STXBP4: variants seen among roughly 807,000 people sequenced by gnomAD.
STXBP4 encodes the protein syntaxin binding protein 4, also known as syntaxin-binding protein 4.
STXBP4 carries 55 observed loss-of-function variants against 76.1 expected under a neutral mutation model. That is an observed-to-expected ratio of 0.72 (90% CI 0.58 to 0.91). The LOEUF (loss-of-function observed/expected upper bound fraction) is 0.91, where lower values mean the gene tolerates loss of function less well. Among genes scored for constraint, STXBP4 ranks in the 40% least tolerant of loss-of-function variants. The pLI is 0.00. For missense variants in STXBP4, 618 were observed against 636.9 expected (o/e 0.97, Z 0.32); for synonymous variants, 201 against 220.2 (o/e 0.91, Z 0.77).
intron 16 of STXBP4, among the ~76,000 whole-genome samples, chr17:55,086,882 G>A (rs2628297): frequency 0.51 from 78,051 of 151,900 alleles, 20,228 homozygotes; most frequent in South Asian, 0.64. Context: ...ATTCCCACCA[G>A]TGGTGTACAA....
At chr17:55,188,002 C>T in the STXBP4 span, among the ~76,000 whole-genome samples, 4 of 152,166 alleles carry the variant, frequency 2.6e-5, no homozygotes, top group Admixed American at 6.5e-5. Context: ...GTGATTGGCA[C>T]TGTTATCATA....
intron 17 of STXBP4, among the ~76,000 whole-genome samples, chr17:55,149,220 G>A (rs2080188836): frequency 6.6e-6 from 1 of 152,200 alleles, no homozygotes; most frequent in Non-Finnish European, 1.5e-5. Context: ...CCATCCATGT[G>A]ACAACTGGTT....
At chr17:55,011,597 G>A (rs570025441) in intron 8 of STXBP4, among the ~76,000 whole-genome samples, 59 of 143,426 alleles carry the variant, frequency 4.1e-4, no homozygotes, top group Admixed American at 3.5e-3. Context: ...TTGGTGGCTC[G>A]AATGCATGAG....
At chr17:55,041,111 C>T (rs553175914) in intron 10 of STXBP4, among the ~76,000 whole-genome samples, 3 of 152,014 alleles carry the variant, frequency 2.0e-5, no homozygotes, top group Admixed American at 6.6e-5. Flanking sequence ...GATTCTTTTA[C>T]GCATGCTTTA....
chr17:54,970,831 ACT>A (rs2077388730), intron 1 of STXBP4, among the ~76,000 whole-genome samples: 1 of 151,412 alleles, frequency 6.6e-6, no homozygotes, highest in Non-Finnish European at 1.5e-5. Flanking sequence ...GCAAAATGAA[ACT>A]CTTATGTACA....
At chr17:55,062,727 T>C (rs1359464444) in intron 12 of STXBP4, among the ~76,000 whole-genome samples, 1 of 152,172 alleles carries the variant, frequency 6.6e-6, no homozygotes, top group East Asian at 1.9e-4. Context: ...AGTGTAAAAG[T>C]GTTCCTGTTT....
In STXBP4 at chr17:55,081,197, A is replaced by C; in HGVS notation, c.1489+14A>C. ...TTGATATGGATTGTAAGTTTTCTGC[A>C]TTTTTTCACTTTTTAAAAGTAATTT... On this transcript the variant is annotated intron_variant, in intron 16 of 17. Coordinates refer to ENST00000376352, the MANE Select transcript of STXBP4 (RefSeq NM_178509.6). The C allele has an allele frequency of 7.0e-7, 1 of 1,428,032 alleles. No individual in the cohort carries two copies. The highest frequency in any genetic ancestry group is 9.2e-7 in the Non-Finnish European group (1 of 1,085,626). The allele number at this position is 1,428,032 out of a possible 1,614,324, so 88.5% of individuals were successfully genotyped here. A position where few individuals can be genotyped will look rare whatever the true frequency, so the allele number is the denominator to read the frequency against.
intron 12 of STXBP4, among the ~76,000 whole-genome samples, chr17:55,055,581 C>G (rs983619105): frequency 2.0e-5 from 3 of 152,146 alleles, no homozygotes; most frequent in African/African-American, 7.2e-5. Context: ...TTAGAACTCT[C>G]CAGGACTTTC....
At chr17:54,999,575 AT>A in intron 5 of STXBP4, 56 bp from the exon 6 acceptor site, 1 of 1,504,678 alleles carries the variant, frequency 6.6e-7, no homozygotes. Flanking sequence ...ATTATCTTGG[AT>A]TTCAGTTGTA....
At chr17:55,010,001 C>A (rs759419868) in intron 8 of STXBP4, among the ~76,000 whole-genome samples, 1 of 151,618 alleles carries the variant, frequency 6.6e-6, no homozygotes, top group Non-Finnish European at 1.5e-5. Context: ...TTAACACATT[C>A]CTATTCAGTA....
chr17:54,982,933 A>G (rs369324152), intron 1 of STXBP4, among the ~76,000 whole-genome samples: 70 of 152,338 alleles, frequency 4.6e-4, no homozygotes, highest in Middle Eastern at 3.4e-3. Flanking sequence ...TGTAGTAGAA[A>G]CAAACAGCTT....
intron 2 of STXBP4, among the ~76,000 whole-genome samples, 200 bp downstream of exon 2, chr17:54,985,891 G>T (rs567731330): frequency 9.9e-5 from 15 of 152,136 alleles, no homozygotes; most frequent in Admixed American, 8.5e-4. Flanking sequence ...AAATGAAGAT[G>T]TTATATAGAT....
chr17:55,072,292 GAC>G (rs1429821193), intron 12 of STXBP4, among the ~76,000 whole-genome samples: 1 of 152,152 alleles, frequency 6.6e-6, no homozygotes, highest in Non-Finnish European at 1.5e-5. Context: ...AGTGAGAAAA[GAC>G]ACGTGATGCA....
At position 55,037,139 on chromosome 17, in the gene STXBP4, C is replaced by T. The variant is rs577689568; in HGVS notation, c.855+2880C>T. ...ACTGATTTATCAGAACTAATTTTGTCGCATTTATTCAAAGAGAACTAAAGC... is the reference window on the plus strand; with the variant it reads ...ACTGATTTATCAGAACTAATTTTGTTGCATTTATTCAAAGAGAACTAAAGC... On this transcript the variant is annotated intron_variant, in intron 10 of 17. Transcript: ENST00000376352. Among the ~76,000 whole-genome samples, 44 of 152,176 alleles carry T rather than the reference C, an allele frequency of 2.9e-4. 1 individual carries two copies. Among genetic ancestry groups the T allele is most frequent in the Middle Eastern group, 6.8e-3 (2 of 294 alleles).
At chr17:55,090,160 G>A (rs912455276) in intron 16 of STXBP4, among the ~76,000 whole-genome samples, 5 of 151,988 alleles carry the variant, frequency 3.3e-5, no homozygotes, top group South Asian at 2.1e-4. Context: ...GGGGGCAGAC[G>A]ATCTCTTTTC....
the STXBP4 span, among the ~76,000 whole-genome samples, chr17:55,207,145 A>C: frequency 6.6e-6 from 1 of 152,006 alleles, no homozygotes; most frequent in South Asian, 2.1e-4. Context: ...AGTCCAGTGG[A>C]TCTCTACGCA....
chr17:55,024,692 G>A (rs533299716), intron 8 of STXBP4, among the ~76,000 whole-genome samples: 1 of 152,244 alleles, frequency 6.6e-6, no homozygotes, highest in African/African-American at 2.4e-5. Flanking sequence ...ATAAATGATA[G>A]GAGACAGCCT....
intron 4 of STXBP4, chr17:54,991,494 T>C (rs1446500278): frequency 1.3e-5 from 2 of 152,138 alleles, no homozygotes; most frequent in African/African-American, 2.4e-5. Flanking sequence ...AAATATATAA[T>C]GAGCTCCCTT....
intron 9 of STXBP4, among the ~76,000 whole-genome samples, chr17:55,033,457 T>C (rs1197705458): frequency 1.3e-5 from 2 of 152,028 alleles, no homozygotes; most frequent in Non-Finnish European, 2.9e-5. Context: ...AAAGTGAAGG[T>C]AATGCAACCA....
Sources: allele counts gnomAD v4.1 joint callset (sites outside exome capture counted in the v4.1 genomes callset), GRCh38; gene constraint gnomAD v4.1.1; transcripts MANE v1.5; gene names NCBI Gene and HGNC (gene_info 2026-07-23, HGNC 2026-07-21).